Variants in DLGAP2 observed in about 807,000 individuals in gnomAD.
DLGAP2 encodes disks large-associated protein 2.
DLGAP2 carries 26 observed loss-of-function variants against 100.3 expected under a neutral mutation model. The observed-to-expected ratio is 0.26, with a 90% confidence interval of 0.19 to 0.36. DLGAP2 has a LOEUF of 0.36. Among genes scored for constraint, DLGAP2 ranks in the 10% least tolerant of loss-of-function variants. The pLI is 1.00. For synonymous variants in DLGAP2, 886 were observed against 630.1 expected (o/e 1.41, Z -6.08); for missense variants, 1,858 against 1,453.2 (o/e 1.28, Z -4.53).
rs1213996372 is a variant in DLGAP2 at position 1,172,287 on chromosome 8, C to T, written c.74-86564C>T. On this transcript the variant is annotated intron_variant, in intron 2 of 14. Coordinates refer to ENST00000637795, the MANE Select transcript of DLGAP2 (RefSeq NM_001346810.2). ...CTGATGGGCTTCCCTTTGTGGGTAA[C>T]CCGACCTTTCTCTCTGGCTCTCCTT... Among the ~76,000 whole-genome samples the T allele has an allele frequency of 3.9e-5, 6 of 152,242 alleles. 2 individuals carry two copies. In the South Asian group the frequency reaches 1.2e-3, roughly 32 times the overall value.
At chr8:1,052,840 C>T (rs992921841) in intron 2 of DLGAP2, among the ~76,000 whole-genome samples, 4 of 152,188 alleles carry the variant, frequency 2.6e-5, no homozygotes, top group East Asian at 1.9e-4. Flanking sequence ...GCAATGACAA[C>T]CTGTAAGGAG....
intron 3 of DLGAP2, among the ~76,000 whole-genome samples, chr8:1,386,455 G>A (rs998205546): frequency 2.0e-5 from 3 of 152,170 alleles, no homozygotes; most frequent in African/African-American, 7.2e-5. Context: ...TCTCCAGAGC[G>A]GCAGGGACAG....
intron 6 of DLGAP2, chr8:1,621,325 G>C (rs1293776531): frequency 1.3e-5 from 2 of 152,846 alleles, no homozygotes; most frequent in Non-Finnish European, 2.9e-5. Flanking sequence ...AGGAGAGCCA[G>C]AGGAGGTTGT....
intron 3 of DLGAP2, among the ~76,000 whole-genome samples, chr8:1,356,032 G>A (rs1405014708): frequency 6.6e-6 from 1 of 152,244 alleles, no homozygotes; most frequent in African/African-American, 2.4e-5. Context: ...CATGATCGGG[G>A]CCACTGCACT....
intron 3 of DLGAP2, among the ~76,000 whole-genome samples, chr8:1,428,372 G>A (rs2129966142): frequency 6.6e-6 from 1 of 152,194 alleles, no homozygotes; most frequent in South Asian, 2.1e-4. Flanking sequence ...CTTACTACCA[G>A]TAAATAAATC....
intron 2 of DLGAP2, among the ~76,000 whole-genome samples, chr8:1,110,341 CATGTGCTGGGTCTGGGTCTGTGAT>C (rs1563197361): frequency 2.5e-4 from 34 of 138,010 alleles, no homozygotes; most frequent in Non-Finnish European, 3.9e-4. Context: ...GGGTCTGTGA[CATGTGCTGGGTCTGGGTCTGTGAT>C]GTGTGCATGT....
At chr8:958,711 C>T (rs1799653829) in intron 2 of DLGAP2, among the ~76,000 whole-genome samples, 2 of 151,836 alleles carry the variant, frequency 1.3e-5, no homozygotes, top group African/African-American at 4.8e-5. Context: ...CTGTATCTAG[C>T]ATACCAAAGG....
chr8:1,268,803 C>T (rs1450097599), intron 3 of DLGAP2, among the ~76,000 whole-genome samples: 1 of 152,194 alleles, frequency 6.6e-6, no homozygotes, highest in African/African-American at 2.4e-5. Flanking sequence ...GAAATGTCAG[C>T]ATTGTTCTGG....
intron 2 of DLGAP2, among the ~76,000 whole-genome samples, chr8:1,091,337 G>A (rs949783125): frequency 5.9e-5 from 9 of 152,248 alleles, no homozygotes; most frequent in African/African-American, 1.7e-4. Context: ...GTTCAGAAGC[G>A]TCTGCTGAGC....
intron 6 of DLGAP2, among the ~76,000 whole-genome samples, chr8:1,617,560 A>G (rs1797196624): frequency 6.6e-6 from 1 of 151,832 alleles, no homozygotes; most frequent in Non-Finnish European, 1.5e-5. Flanking sequence ...CTTTGCCCAC[A>G]TTGTTTTTTG....
At chr8:1,503,531 C>T (rs894259986) in intron 4 of DLGAP2, among the ~76,000 whole-genome samples, 11 of 152,120 alleles carry the variant, frequency 7.2e-5, no homozygotes, top group Admixed American at 2.6e-4. Flanking sequence ...GGACAGACCC[C>T]GGGTCGCTTC....
chr8:1,496,040 A>T (rs1330377115), intron 3 of DLGAP2, among the ~76,000 whole-genome samples: 1 of 152,114 alleles, frequency 6.6e-6, no homozygotes, highest in African/African-American at 2.4e-5. Flanking sequence ...GCCCAGAAAC[A>T]CAAGCCTGCC....
At chr8:1,050,920 G>A (rs1210569828) in intron 2 of DLGAP2, among the ~76,000 whole-genome samples, 2 of 150,808 alleles carry the variant, frequency 1.3e-5, no homozygotes, top group African/African-American at 2.4e-5. Flanking sequence ...AGGCTGTCAC[G>A]TGCCCGGTCA....
chr8:808,560 G>A (rs1186972464), intron 1 of DLGAP2, among the ~76,000 whole-genome samples: 3 of 152,200 alleles, frequency 2.0e-5, no homozygotes, highest in African/African-American at 7.2e-5. Flanking sequence ...GGTGGGGTTG[G>A]TGCCTCTAGT....
chr8:858,589 C>T (rs113956584), intron 1 of DLGAP2, among the ~76,000 whole-genome samples: 40 of 98,438 alleles, frequency 4.1e-4, no homozygotes, highest in African/African-American at 6.7e-4. Flanking sequence ...ACATGTGTGA[C>T]GCTGTCACCG....
At chr8:1,198,749 G>A (rs1469731273) in intron 2 of DLGAP2, among the ~76,000 whole-genome samples, 1 of 152,224 alleles carries the variant, frequency 6.6e-6, no homozygotes, top group East Asian at 1.9e-4. Flanking sequence ...GGTGTCCTTT[G>A]GCAAGACCAC....
rs560978689 is a variant in DLGAP2 at position 786,970 on chromosome 8, G to A, written c.18+49145G>A. Among the ~76,000 whole-genome samples the A allele has an allele frequency of 2.0e-5, 3 of 152,244 alleles. No individual in the cohort carries two copies. In the South Asian group the frequency reaches 6.2e-4, roughly 32 times the overall value. On this transcript the variant is annotated intron_variant, in intron 1 of 14. Transcript: ENST00000637795. ...TCTTTCAGGTGAAGGCAGAAGGCAG[G>A]TTTGGTCCTGTCAGATTCTAACCAG...
At chr8:1,443,013 A>C (rs1252649542) in intron 3 of DLGAP2, among the ~76,000 whole-genome samples, 2 of 152,250 alleles carry the variant, frequency 1.3e-5, no homozygotes, top group Non-Finnish European at 2.9e-5. Flanking sequence ...TTTTAAAATT[A>C]ACTTTATCAT....
chr8:938,557 A>G (rs1183296783), intron 2 of DLGAP2, among the ~76,000 whole-genome samples: 2 of 152,200 alleles, frequency 1.3e-5, no homozygotes, highest in Admixed American at 1.3e-4. Context: ...GACCCAGCCT[A>G]CAAGGGCCTC....
Sources: gnomAD v4.1 joint callset for allele counts (sites outside exome capture counted in the v4.1 genomes callset) on GRCh38, gnomAD v4.1.1 for gene constraint, MANE v1.5 for transcripts, NCBI Gene and HGNC (gene_info 2026-07-23, HGNC 2026-07-21) for gene names.